The following MED12L variants were observed in gnomAD, a reference collection of about 807,000 sequenced individuals.
MED12L encodes the protein mediator of RNA polymerase II transcription subunit 12-like protein.
Under a neutral mutation model 281.3 loss-of-function variants are expected in MED12L, and 60 were observed. That is an observed-to-expected ratio of 0.21 (90% CI 0.17 to 0.26). The LOEUF is 0.26. MED12L is among the 10% of genes least tolerant of loss of function. The pLI is 1.00. For synonymous variants in MED12L, 974 were observed against 987.2 expected (o/e 0.99, Z 0.25); for missense variants, 2,146 against 2,680.9 (o/e 0.80, Z 4.41).
intron 16 of MED12L, among the ~76,000 whole-genome samples, chr3:151,304,425 T>A (rs1012797713): frequency 3.9e-5 from 6 of 151,978 alleles, no homozygotes; most frequent in Admixed American, 2.6e-4. Flanking sequence ...AATACAAAAA[T>A]TAGCTGGGCA....
At position 151,376,130 on chromosome 3, in the gene MED12L, G is replaced by T; in HGVS notation, c.3969G>T (p.Leu1323=). Reference sequence around the variant, plus strand: ...CAAATATGCAAGCACAGAAATTACTGCAGCTTATCTGTTATCCTCATGGCA... The same window carrying T: ...CAAATATGCAAGCACAGAAATTACTTCAGCTTATCTGTTATCCTCATGGCA... ...VLSNMQAQKL[L]QLICYPHGIK... is the part of the protein sequence containing the mutation. The change falls in exon 28 of 45, where the codon CTG becomes CTT. Residue 1323 remains leucine, a synonymous_variant. Transcript: ENST00000687756. 1 of 1,610,862 alleles carries T rather than the reference G, an allele frequency of 6.2e-7. No homozygotes were observed. The highest frequency in any genetic ancestry group is 8.5e-7 in the Non-Finnish European group (1 of 1,178,830).
intron 16 of MED12L, chr3:151,293,936 C>T: frequency 2.0e-6 from 1 of 501,206 alleles, no homozygotes; most frequent in Non-Finnish European, 3.5e-6. Context: ...CTCATTCTGC[C>T]CTTTCACTCT....
At chr3:151,355,056 TCCA>T (rs1753741886) in intron 17 of MED12L, 62 bp from the exon 18 acceptor site, 13 of 1,141,798 alleles carry the variant, frequency 1.1e-5, no homozygotes, top group Non-Finnish European at 1.3e-5. Context: ...AAAAAAAGTA[TCCA>T]TTAAAAATGT....
chr3:151,295,226 G>A (rs748384693), intron 16 of MED12L: 2 of 1,576,804 alleles, frequency 1.3e-6, no homozygotes, highest in Non-Finnish European at 1.7e-6. Context: ...AGGAGAAGTG[G>A]GGAGATAGGA....
At chr3:151,269,841 G>A (rs1425138428) in intron 16 of MED12L, 1 of 447,996 alleles carries the variant, frequency 2.2e-6, no homozygotes, top group South Asian at 1.6e-5. Context: ...CAAACGCAGA[G>A]TAAAGTCAGC....
intron 8 of MED12L, among the ~76,000 whole-genome samples, chr3:151,162,023 A>G (rs776443709): frequency 1.3e-5 from 2 of 152,234 alleles, no homozygotes; most frequent in Non-Finnish European, 2.9e-5. Flanking sequence ...TGTTGTTTTG[A>G]GAAACGTGTT....
intron 16 of MED12L, chr3:151,213,485 C>G (rs373767329): frequency 6.2e-6 from 10 of 1,614,140 alleles, no homozygotes; most frequent in Non-Finnish European, 8.5e-6. Flanking sequence ...AGAGTGAATT[C>G]TTTCATATAC....
intron 2 of MED12L, among the ~76,000 whole-genome samples, chr3:151,096,658 G>A (rs77920247): frequency 2.1e-4 from 31 of 149,506 alleles, no homozygotes; most frequent in Admixed American, 9.9e-4. Context: ...TGCTATTTTG[G>A]GGGGGGAAGC....
At chr3:151,155,020 G>GA (rs1414896178) in intron 5 of MED12L, among the ~76,000 whole-genome samples, 3 of 152,196 alleles carry the variant, frequency 2.0e-5, no homozygotes, top group Non-Finnish European at 2.9e-5. Flanking sequence ...TGGTTTAGAT[G>GA]AAAACTTAAC....
At chr3:151,424,417 G>A (rs1246521301) in intron 43 of MED12L, among the ~76,000 whole-genome samples, 1 of 152,184 alleles carries the variant, frequency 6.6e-6, no homozygotes, top group East Asian at 1.9e-4. Context: ...TCAGGAGATT[G>A]AGACCATCCT....
intron 2 of MED12L, among the ~76,000 whole-genome samples, chr3:151,111,749 C>G (rs1711932030): frequency 6.6e-6 from 1 of 152,164 alleles, no homozygotes; most frequent in Non-Finnish European, 1.5e-5. Flanking sequence ...GCCTGTGAAC[C>G]TCCTTTTCAG....
At chr3:151,178,202 A>C (rs921105023) in intron 11 of MED12L, among the ~76,000 whole-genome samples, 8 of 150,842 alleles carry the variant, frequency 5.3e-5, no homozygotes, top group African/African-American at 2.0e-4. Flanking sequence ...CCAATATGAA[A>C]AGCTGCCTGT....
At chr3:151,214,583 C>T (rs1312332396) in intron 16 of MED12L, among the ~76,000 whole-genome samples, 11 of 140,708 alleles carry the variant, frequency 7.8e-5, no homozygotes, top group Admixed American at 7.4e-4. Flanking sequence ...CCACTCCTTT[C>T]TTCCTTCTCC....
chr3:151,284,961 T>C (rs1743278272), intron 16 of MED12L, among the ~76,000 whole-genome samples: 1 of 152,204 alleles, frequency 6.6e-6, no homozygotes, highest in Non-Finnish European at 1.5e-5. Flanking sequence ...GCTGTGCTGG[T>C]TACCCTTGTC....
intron 10 of MED12L, 111 bp downstream of exon 10, chr3:151,165,630 TTGG>T (rs1370069409): frequency 6.1e-6 from 6 of 986,994 alleles, no homozygotes; most frequent in Non-Finnish European, 7.7e-6. Flanking sequence ...ACAGAGCCAC[TTGG>T]TGAATTTTGA....
At chr3:151,311,208 A>G (rs912607283) in intron 16 of MED12L, among the ~76,000 whole-genome samples, 11 of 152,308 alleles carry the variant, frequency 7.2e-5, no homozygotes, top group African/African-American at 2.6e-4. Context: ...GATTGAGTAC[A>G]TTTTAGCATT....
intron 16 of MED12L, among the ~76,000 whole-genome samples, chr3:151,304,817 CTG>C (rs1746426951): frequency 6.6e-6 from 1 of 152,122 alleles, no homozygotes. Context: ...ACAAAGCAGC[CTG>C]TGTACTTGCG....
intron 16 of MED12L, among the ~76,000 whole-genome samples, chr3:151,348,634 G>T (rs931175246): frequency 1.3e-5 from 2 of 151,782 alleles, no homozygotes; most frequent in Non-Finnish European, 2.9e-5. Flanking sequence ...TTTGGGGGTG[G>T]GGAATAGATA....
At chr3:151,249,798 T>C (rs1319858275) in intron 16 of MED12L, among the ~76,000 whole-genome samples, 1 of 152,176 alleles carries the variant, frequency 6.6e-6, no homozygotes, top group African/African-American at 2.4e-5. Flanking sequence ...AAGTTCTTCC[T>C]GGGGATTTCT....
Sources: allele counts gnomAD v4.1 joint callset (sites outside exome capture counted in the v4.1 genomes callset), GRCh38; gene constraint gnomAD v4.1.1; transcripts MANE v1.5; gene names NCBI Gene and HGNC (gene_info 2026-07-23, HGNC 2026-07-21).